The following EFTUD2 variants were observed in gnomAD, a reference collection of about 807,000 sequenced individuals.
The protein encoded by EFTUD2 is elongation factor Tu GTP binding domain containing 2.
A neutral mutation model predicts 114.3 loss-of-function variants in EFTUD2; 9 were observed. The observed-to-expected ratio is 0.08, with a 90% CI of 0.05 to 0.14. The LOEUF (loss-of-function observed/expected upper bound fraction) is 0.14, where lower values mean the gene tolerates loss of function less well. EFTUD2 is among the 10% of genes least tolerant of loss of function. The probability of loss-of-function intolerance (pLI) is 1.00; values close to 1 mark genes in which losing one functional copy is unlikely to be tolerated. For missense variants in EFTUD2, 765 were observed against 1,241.2 expected (o/e 0.62, Z 5.76); for synonymous variants, 449 against 462.3 (o/e 0.97, Z 0.37).
At chr17:44,863,633 C>G in intron 15 of EFTUD2, 22 bp downstream of exon 15, 1 of 1,606,484 alleles carries the variant, frequency 6.2e-7, no homozygotes, top group Non-Finnish European at 8.5e-7. Context: ...GACCAGAGAA[C>G]CGGGGAGCCA....
intron 14 of EFTUD2, among the ~76,000 whole-genome samples, chr17:44,864,339 C>T (rs79042808): frequency 0.031 from 4,769 of 152,276 alleles, 101 homozygotes; most frequent in Middle Eastern, 0.054. Context: ...GGGGCCCAGA[C>T]ACCTAATTCC....
chr17:44,864,844 C>T (rs1352253143), intron 14 of EFTUD2, 86 bp downstream of exon 14: 1 of 1,550,750 alleles, frequency 6.4e-7, no homozygotes, highest in East Asian at 2.3e-5. Flanking sequence ...TTTCTGACCT[C>T]CATCGCTGGG....
Position 44,850,403 on chromosome 17 carries a change from T to C in EFTUD2, c.*871A>G, listed in dbSNP as rs200053653. 65 of 1,609,056 alleles carry C rather than the reference T, an allele frequency of 4.0e-5. No homozygotes were observed. In the African/African-American group the frequency reaches 7.2e-4, roughly 18 times the overall value. On this transcript the variant is annotated 3_prime_UTR_variant, in exon 28 of 28. Coordinates refer to ENST00000426333, the MANE Select transcript of EFTUD2 (RefSeq NM_004247.4). ...GGATGCTGGAGAGAAGTAGGACTCC[T>C]ATAGGAGCCGGGGCTGTCCAACTCC...
At chr17:44,879,146 C>T (rs181223364) in intron 9 of EFTUD2, among the ~76,000 whole-genome samples, 220 of 152,214 alleles carry the variant, frequency 1.4e-3, no homozygotes, top group African/African-American at 5.2e-3. Flanking sequence ...AGTGAAGTGG[C>T]GCAATCTCGG....
At chr17:44,896,407 G>A (rs983421994) in intron 1 of EFTUD2, among the ~76,000 whole-genome samples, 6 of 152,166 alleles carry the variant, frequency 3.9e-5, no homozygotes, top group Non-Finnish European at 7.3e-5. Context: ...CAGCACTTTG[G>A]CAGGCCAAGA....
intron 7 of EFTUD2, among the ~76,000 whole-genome samples, chr17:44,881,057 CCAAA>C (rs1194958332): frequency 5.3e-5 from 8 of 151,902 alleles, no homozygotes; most frequent in South Asian, 2.1e-4. Flanking sequence ...TTTTAAAACT[CCAAA>C]CAAATACATA....
chr17:44,857,028 A>T (rs762824210), intron 20 of EFTUD2, 47 bp downstream of exon 20: 48 of 1,487,922 alleles, frequency 3.2e-5, no homozygotes, highest in Non-Finnish European at 4.3e-5. Flanking sequence ...AAGGAGAGAG[A>T]GTGTCCAGGA....
At chr17:44,855,107 G>C (rs2050525069) in intron 20 of EFTUD2, 103 bp from the exon 21 acceptor site, 2 of 1,040,652 alleles carry the variant, frequency 1.9e-6, no homozygotes, top group East Asian at 4.8e-5. Context: ...AGTGACATCA[G>C]TGAAAGCCAC....
intron 5 of EFTUD2, 76 bp from the exon 6 acceptor site, chr17:44,883,234 C>CAGT: frequency 7.3e-7 from 1 of 1,365,252 alleles, no homozygotes; most frequent in Admixed American, 1.8e-5. Context: ...GCTCCCAATA[C>CAGT]ACCACATAAT....
intron 3 of EFTUD2, 113 bp downstream of exon 3, chr17:44,886,472 G>C (rs868377610): frequency 1.3e-6 from 2 of 1,512,062 alleles, no homozygotes; most frequent in Admixed American, 2.2e-5. Flanking sequence ...AGTACCTGAA[G>C]GTAGTAAAGA....
At chr17:44,865,938 A>C (rs1159188125) in intron 13 of EFTUD2, among the ~76,000 whole-genome samples, 7 of 151,880 alleles carry the variant, frequency 4.6e-5, no homozygotes, top group African/African-American at 9.7e-5. Context: ...CAGCCCCCCA[A>C]GTAGTTGGGA....
Position 44,854,815 on chromosome 17 carries a change from G to T in EFTUD2, c.2132+103C>A. On this transcript the variant is annotated intron_variant, in intron 21 of 27. Transcript: ENST00000426333. This position sits in a 1 kb window ranked among gnomAD's most constrained non-coding sequence, Gnocchi z 4.3. Reference sequence around the variant, plus strand: ...TGCCCAGAACAAGAGCAAAGGCAAAGACATAAATGCTCCCCAGAAAGATGT... The same window carrying T: ...TGCCCAGAACAAGAGCAAAGGCAAATACATAAATGCTCCCCAGAAAGATGT... 1.3e-6 allele frequency: 2 copies of T among 1,566,368 alleles called. No individual in the cohort carries two copies.
At chr17:44,862,256 G>A (rs2050671941) in intron 16 of EFTUD2, among the ~76,000 whole-genome samples, 1 of 152,092 alleles carries the variant, frequency 6.6e-6, no homozygotes. Context: ...GCAATATAGT[G>A]AGACATTGTC....
intron 16 of EFTUD2, 55 bp downstream of exon 16, chr17:44,862,658 G>C (rs2050678677): frequency 6.6e-7 from 1 of 1,521,098 alleles, no homozygotes; most frequent in African/African-American, 1.4e-5. Flanking sequence ...AGCTCCTTGG[G>C]GGCAGCCCCT....
At position 44,863,671 on chromosome 17, in the gene EFTUD2, C is replaced by G. The variant is rs753253075; in HGVS notation, c.1397G>C (p.Ser466Thr). ...TGCCCTTACATCAGGGTCACAGTCA[C>G]TCATAGCCTCGCCGAGGTCGGAGTC... is the stretch of plus-strand genomic sequence containing the variant. ...GVDSDLGEAM[S>T]DCDPDGPLMC... The change falls in exon 15 of 28, where the codon AGT becomes ACT. Residue 466 changes from serine to threonine, a missense_variant. Physicochemically the swap from Ser to Thr is moderately conservative, Grantham distance 58. This residue lies in a region of EFTUD2 where 59 missense variants were observed against 50.1 expected (regional missense o/e 1.18). Transcript: ENST00000426333. 6.2e-7 allele frequency: 1 copy of G among 1,614,062 alleles called. No individual in the cohort carries two copies. Among genetic ancestry groups the G allele is most frequent in the Middle Eastern group, 1.6e-4 (1 of 6,062 alleles).
rs6503406 is a variant in EFTUD2 at position 44,859,737 on chromosome 17, C to T, written c.1860+168G>A. On this transcript the variant is annotated intron_variant, in intron 18 of 27. Coordinates refer to ENST00000426333, the MANE Select transcript of EFTUD2 (RefSeq NM_004247.4). ...TAACACACACACATACACACACACA[C>T]GTGTCTTGTCCTGCCTTGACATGAC... 125,996 of 1,066,198 alleles carry T rather than the reference C, an allele frequency of 0.12. 8,073 individuals are homozygous for T. Among genetic ancestry groups the T allele is most frequent in the East Asian group, 0.21 (8,131 of 38,400 alleles). The allele number at this position is 1,066,198 out of a possible 1,614,324, so 66.0% of individuals were successfully genotyped here.
At chr17:44,860,156 A>G in intron 17 of EFTUD2, 111 bp from the exon 18 acceptor site, 2 of 1,489,620 alleles carry the variant, frequency 1.3e-6, no homozygotes, top group Non-Finnish European at 1.8e-6. Flanking sequence ...TGTATTCCCC[A>G]ACCAGGAGCC....
At chr17:44,860,569 G>A (rs2145461439) in intron 16 of EFTUD2, 26 bp from the exon 17 acceptor site, 1 of 1,319,560 alleles carries the variant, frequency 7.6e-7, no homozygotes, top group Non-Finnish European at 1.1e-6. Flanking sequence ...ATAAGCAGCA[G>A]TGAAACTTAG....
chr17:44,856,102 G>C (rs2050546775), intron 20 of EFTUD2, among the ~76,000 whole-genome samples: 1 of 131,508 alleles, frequency 7.6e-6, no homozygotes, highest in Non-Finnish European at 1.6e-5. Context: ...CTGTACTCCA[G>C]CCTGGGTGAC....
Sources: allele counts gnomAD v4.1 joint callset (sites outside exome capture counted in the v4.1 genomes callset), GRCh38; gene constraint gnomAD v4.1.1; regional missense constraint gnomAD v4.1.1; non-coding constraint Gnocchi (gnomAD v3.1); transcripts MANE v1.5; gene names NCBI Gene and HGNC (gene_info 2026-07-23, HGNC 2026-07-21).